The following GAB1 variants were observed in gnomAD, a reference collection of about 807,000 sequenced individuals.
The protein encoded by GAB1 is GRB2 associated binding protein 1, also known as GRB2-associated-binding protein 1.
GAB1 carries 19 observed loss-of-function variants against 66.5 expected under a neutral mutation model. The ratio of observed to expected loss-of-function variants is 0.29; its 90% CI spans 0.20 to 0.42. The LOEUF is 0.42. GAB1 is among the 10% of genes least tolerant of loss of function. GAB1 has a pLI of 1.00. For missense variants in GAB1, 732 were observed against 858.5 expected, an observed-to-expected ratio of 0.85 and a Z score of 1.84; for synonymous variants, 294 against 301.4, an observed-to-expected ratio of 0.98 and a Z score of 0.25.
At chr4:143,467,596 A>C (rs1332696287) in intron 9 of GAB1, among the ~76,000 whole-genome samples, 4 of 151,946 alleles carry the variant, frequency 2.6e-5, no homozygotes, top group African/African-American at 9.7e-5. Flanking sequence ...CACTCTCTAC[A>C]GTTTGTTTCT....
chr4:143,346,628 A>G (rs1288960728), intron 1 of GAB1, among the ~76,000 whole-genome samples: 1 of 152,190 alleles, frequency 6.6e-6, no homozygotes, highest in East Asian at 1.9e-4. Flanking sequence ...CGATTACCTC[A>G]TTCAGCTAGG....
chr4:143,355,387 CA>C (rs1414240964), intron 1 of GAB1, among the ~76,000 whole-genome samples: 3 of 152,066 alleles, frequency 2.0e-5, no homozygotes, highest in Admixed American at 1.3e-4. Context: ...CAGTTCATCC[CA>C]ATTGCTGCCT....
At chr4:143,428,447 G>A (rs1733479578) in intron 2 of GAB1, among the ~76,000 whole-genome samples, 1 of 152,154 alleles carries the variant, frequency 6.6e-6, no homozygotes, top group African/African-American at 2.4e-5. Flanking sequence ...GGGTGCATGG[G>A]ACCTGGCTTT....
chr4:143,421,661 T>G (rs530842043), intron 2 of GAB1, among the ~76,000 whole-genome samples: 4 of 151,112 alleles, frequency 2.6e-5, no homozygotes, highest in South Asian at 2.1e-4. Context: ...AGTTTTTAGG[T>G]TTTTTTTCTT....
intron 9 of GAB1, among the ~76,000 whole-genome samples, chr4:143,468,446 C>T (rs1735913931): frequency 6.6e-6 from 1 of 151,242 alleles, no homozygotes; most frequent in Admixed American, 6.6e-5. Context: ...AACTCCTGAC[C>T]TCGTGATCCA....
At position 143,460,499 on chromosome 4, in the gene GAB1, T is replaced by C; in HGVS notation, c.1803+12T>C. On this transcript the variant is annotated intron_variant, in intron 8 of 9. Transcript: ENST00000262994. ...CCAGTGAAGACCCAGTATGTAAAGT[T>C]TTAACTTTTCCCTTTCTGAGCAGCC... The C allele has an allele frequency of 6.2e-7, 1 of 1,612,908 alleles. No homozygotes were observed. Among genetic ancestry groups the C allele is most frequent in the Non-Finnish European group, 8.5e-7 (1 of 1,179,324 alleles).
At chr4:143,407,102 C>A (rs896477134) in intron 1 of GAB1, among the ~76,000 whole-genome samples, 1 of 152,142 alleles carries the variant, frequency 6.6e-6, no homozygotes, top group Non-Finnish European at 1.5e-5. Context: ...AACGTGTTAA[C>A]AGGGGTCCTG....
At chr4:143,423,896 C>T (rs1733187513) in intron 2 of GAB1, among the ~76,000 whole-genome samples, 1 of 142,124 alleles carries the variant, frequency 7.0e-6, no homozygotes, top group African/African-American at 2.5e-5. Flanking sequence ...CTTTGAATCT[C>T]TGTCCTCTTT....
chr4:143,390,194 C>T (rs914970562), intron 1 of GAB1, among the ~76,000 whole-genome samples: 4 of 152,122 alleles, frequency 2.6e-5, no homozygotes, highest in Non-Finnish European at 5.9e-5. Context: ...AGCTGTTTCT[C>T]ATTGGCCTGC....
intron 6 of GAB1, among the ~76,000 whole-genome samples, chr4:143,448,933 A>G (rs1445648179): frequency 1.2e-4 from 18 of 152,114 alleles, no homozygotes; most frequent in Non-Finnish European, 2.5e-4. Flanking sequence ...ATTTAGTGCT[A>G]TAAATTTCCC....
intron 1 of GAB1, among the ~76,000 whole-genome samples, chr4:143,375,817 T>C (rs1283674756): frequency 2.6e-5 from 4 of 152,122 alleles, no homozygotes; most frequent in African/African-American, 9.7e-5. Context: ...ATAGGGTGTT[T>C]AGTTAGCAGC....
At chr4:143,407,445 T>C (rs1732108671) in intron 1 of GAB1, among the ~76,000 whole-genome samples, 1 of 152,188 alleles carries the variant, frequency 6.6e-6, no homozygotes, top group African/African-American at 2.4e-5. Flanking sequence ...TTTTTCCTCT[T>C]ATGAAATTGT....
intron 1 of GAB1, among the ~76,000 whole-genome samples, chr4:143,354,910 G>A (rs1052490818): frequency 1.3e-5 from 2 of 152,132 alleles, no homozygotes; most frequent in Admixed American, 1.3e-4. Flanking sequence ...GTTATATGTT[G>A]AGAAGCCCAT....
At chr4:143,358,701 G>C (rs1363565563) in intron 1 of GAB1, among the ~76,000 whole-genome samples, 1 of 152,164 alleles carries the variant, frequency 6.6e-6, no homozygotes, top group Non-Finnish European at 1.5e-5. Flanking sequence ...AATCTCTTTA[G>C]AATGCATTAA....
At chr4:143,396,394 A>G (rs1731457142) in intron 1 of GAB1, among the ~76,000 whole-genome samples, 2 of 152,220 alleles carry the variant, frequency 1.3e-5, no homozygotes, top group African/African-American at 4.8e-5. Flanking sequence ...GCAGATGGAA[A>G]TTAGGCAGTG....
At chr4:143,387,386 C>T (rs1730969146) in intron 1 of GAB1, among the ~76,000 whole-genome samples, 1 of 152,212 alleles carries the variant, frequency 6.6e-6, no homozygotes, top group South Asian at 2.1e-4. Context: ...CTGCCTTGGA[C>T]TCCCAAAGCA....
intron 1 of GAB1, among the ~76,000 whole-genome samples, chr4:143,352,076 C>A (rs1729249462): frequency 6.6e-6 from 1 of 152,176 alleles, no homozygotes; most frequent in African/African-American, 2.4e-5. Flanking sequence ...CTCCAAGGAT[C>A]TGTTGTCATT....
At chr4:143,376,114 A>G (rs950695532) in intron 1 of GAB1, among the ~76,000 whole-genome samples, 1 of 150,948 alleles carries the variant, frequency 6.6e-6, no homozygotes, top group South Asian at 2.1e-4. Flanking sequence ...CCCCTCCCCA[A>G]CCCCCTACAC....
chr4:143,450,301 C>G (rs1734846934), intron 6 of GAB1, among the ~76,000 whole-genome samples: 1 of 152,084 alleles, frequency 6.6e-6, no homozygotes, highest in Non-Finnish European at 1.5e-5. Context: ...TACTTTTACT[C>G]TTTCTTGATT....
Sources: gnomAD v4.1 joint callset for allele counts (sites outside exome capture counted in the v4.1 genomes callset) on GRCh38, gnomAD v4.1.1 for gene constraint, MANE v1.5 for transcripts, NCBI Gene and HGNC (gene_info 2026-07-23, HGNC 2026-07-21) for gene names.